IFT43: variants seen among roughly 807,000 people sequenced by gnomAD.
IFT43 encodes the protein intraflagellar transport 43, also known as intraflagellar transport protein 43 homolog.
In IFT43, 33 loss-of-function variants were observed where a neutral mutation model predicts 32.3. The ratio of observed to expected loss-of-function variants is 1.02; its 90% CI spans 0.77 to 1.37. The LOEUF (loss-of-function observed/expected upper bound fraction) is 1.37, where lower values mean the gene tolerates loss of function less well. IFT43 is among the 40% of genes most tolerant of loss of function. The probability of loss-of-function intolerance (pLI) is 0.00; values close to 1 mark genes in which losing one functional copy is unlikely to be tolerated. For missense variants in IFT43, 274 were observed against 265.9 expected (o/e 1.03, Z -0.21); for synonymous variants, 93 against 98.2 (o/e 0.95, Z 0.31).
intron 3 of IFT43, among the ~76,000 whole-genome samples, chr14:76,039,162 T>A (rs2036659963): frequency 6.6e-6 from 1 of 151,882 alleles, no homozygotes; most frequent in African/African-American, 2.4e-5. Flanking sequence ...AGACAGGGTC[T>A]CATTCTGTTG....
chr14:76,036,638 C>T (rs956277969), intron 3 of IFT43, among the ~76,000 whole-genome samples: 1 of 152,152 alleles, frequency 6.6e-6, no homozygotes, highest in Non-Finnish European at 1.5e-5. Flanking sequence ...CTCCTGACCT[C>T]AGGTGATCCT....
chr14:75,986,558 G>A (rs756406726), intron 1 of IFT43, among the ~76,000 whole-genome samples: 2 of 152,152 alleles, frequency 1.3e-5, no homozygotes, highest in African/African-American at 2.4e-5. Flanking sequence ...CATGGGAAGC[G>A]TGTAACTCAG....
At chr14:76,007,398 G>A (rs2035999310) in intron 2 of IFT43, among the ~76,000 whole-genome samples, 1 of 152,296 alleles carries the variant, frequency 6.6e-6, no homozygotes, top group Admixed American at 6.5e-5. Context: ...CAGCCCATGG[G>A]TTAATGCTTC....
At chr14:76,035,530 G>C (rs2036583121) in intron 3 of IFT43, among the ~76,000 whole-genome samples, 1 of 152,030 alleles carries the variant, frequency 6.6e-6, no homozygotes. Flanking sequence ...TTATGTCATT[G>C]CCATACCAGA....
chr14:76,027,706 C>CAA (rs34486241), intron 3 of IFT43, among the ~76,000 whole-genome samples: 2 of 97,380 alleles, frequency 2.1e-5, no homozygotes, highest in East Asian at 2.7e-4. Flanking sequence ...GAGACTGTCT[C>CAA]AAAAAAAAAA....
intron 3 of IFT43, among the ~76,000 whole-genome samples, chr14:76,026,552 CAAAA>C (rs58799745): frequency 5.9e-5 from 5 of 84,456 alleles, no homozygotes; most frequent in African/African-American, 2.0e-4. Flanking sequence ...GAGTGAAACT[CAAAA>C]AAAAAAAAAA....
intron 5 of IFT43, among the ~76,000 whole-genome samples, chr14:76,080,780 AT>A (rs1337452476): frequency 6.6e-6 from 1 of 152,208 alleles, no homozygotes; most frequent in African/African-American, 2.4e-5. Flanking sequence ...AGAAAGCTAA[AT>A]TTCTATTAGC....
At chr14:76,059,502 G>C in intron 5 of IFT43, 129 bp downstream of exon 5, 1 of 851,634 alleles carries the variant, frequency 1.2e-6, no homozygotes, top group Non-Finnish European at 2.0e-6. Flanking sequence ...GACGCATGCT[G>C]ATGCACATCT....
intron 5 of IFT43, among the ~76,000 whole-genome samples, chr14:76,064,747 C>T (rs2037199770): frequency 6.6e-6 from 1 of 152,124 alleles, no homozygotes; most frequent in Non-Finnish European, 1.5e-5. Flanking sequence ...GCATTAAACT[C>T]AGGAAAAAGG....
At chr14:76,000,262 CTTTTTTT>C (rs35001298) in intron 2 of IFT43, among the ~76,000 whole-genome samples, 23 of 115,564 alleles carry the variant, frequency 2.0e-4, no homozygotes, top group Non-Finnish European at 3.5e-4. Context: ...TAACTGGCTT[CTTTTTTT>C]TTTTTTTTTT....
Position 76,064,178 on chromosome 14 carries a change from A to G in IFT43, c.295+4805A>G, listed in dbSNP as rs538448749. Among the ~76,000 whole-genome samples, 4 of 152,272 alleles carry G rather than the reference A, an allele frequency of 2.6e-5. No homozygotes were observed. In the South Asian group the frequency reaches 8.3e-4, roughly 32 times the overall value. On this transcript the variant is annotated intron_variant, in intron 5 of 8. Coordinates refer to ENST00000314067, the MANE Select transcript of IFT43 (RefSeq NM_001102564.3). Reference sequence around the variant, plus strand: ...ATCTTCCTCCTTAGCACTACCCACTAACTTCCTTTTAGACTTCTCCACCCA... The same window carrying G: ...ATCTTCCTCCTTAGCACTACCCACTGACTTCCTTTTAGACTTCTCCACCCA...
At chr14:76,035,183 T>C (rs1340818664) in intron 3 of IFT43, among the ~76,000 whole-genome samples, 1 of 152,188 alleles carries the variant, frequency 6.6e-6, no homozygotes, top group East Asian at 1.9e-4. Flanking sequence ...TCACTCCTAA[T>C]TGACACTAAA....
At position 75,999,227 on chromosome 14, in the gene IFT43, TTATATATATATATATATATA is replaced by T. The variant is rs1162371057; in HGVS notation, c.147+10276_147+10295del. Among the ~76,000 whole-genome samples, 37 of 96,096 alleles carry T rather than the reference TTATATATATATATATATATA, an allele frequency of 3.9e-4. 1 individual carries two copies. The highest frequency in any genetic ancestry group is 1.0e-3 in the Admixed American group (9 of 8,980). The allele number at this position is 96,096 out of a possible 152,430, so 63.0% of individuals were successfully genotyped here. ...ATATTCATTTATATATAAATTCATTTTATATATATATATATATATATATATATATATATATATATATATAT... is the reference window on the plus strand; with the variant it reads ...ATATTCATTTATATATAAATTCATTTTATATATATATATATATATATATAT... On this transcript the variant is annotated intron_variant, in intron 2 of 8. Coordinates refer to ENST00000314067, the MANE Select transcript of IFT43 (RefSeq NM_001102564.3).
At chr14:76,047,353 G>T (rs769744397) in intron 3 of IFT43, among the ~76,000 whole-genome samples, 2 of 152,138 alleles carry the variant, frequency 1.3e-5, no homozygotes, top group Non-Finnish European at 2.9e-5. Flanking sequence ...TAGGAAGGTT[G>T]GTTTCTGAGT....
At chr14:76,043,337 G>A (rs1314275217) in intron 3 of IFT43, among the ~76,000 whole-genome samples, 1 of 151,678 alleles carries the variant, frequency 6.6e-6, no homozygotes, top group African/African-American at 2.4e-5. Context: ...GCAGAGGGGA[G>A]TAGAAGGGTA....
chr14:76,019,390 C>T (rs368010994), intron 2 of IFT43, among the ~76,000 whole-genome samples: 2,116 of 148,036 alleles, frequency 0.014, 55 homozygotes, highest in African/African-American at 0.045. Context: ...TTTTTTTTTT[C>T]CCTTTCAGCA....
At chr14:76,002,578 G>A (rs1029612849) in intron 2 of IFT43, among the ~76,000 whole-genome samples, 17 of 152,166 alleles carry the variant, frequency 1.1e-4, no homozygotes, top group Admixed American at 3.3e-4. Flanking sequence ...CTAAACATTA[G>A]AACTGTTCAT....
chr14:75,995,118 G>C (rs2035719315), intron 2 of IFT43, among the ~76,000 whole-genome samples: 1 of 152,192 alleles, frequency 6.6e-6, no homozygotes, highest in Non-Finnish European at 1.5e-5. Context: ...GGTAGCTCTT[G>C]AAGTAGGTAC....
At chr14:76,000,261 T>G (rs2035856935) in intron 2 of IFT43, among the ~76,000 whole-genome samples, 1 of 142,422 alleles carries the variant, frequency 7.0e-6, no homozygotes, top group African/African-American at 2.6e-5. Context: ...ATAACTGGCT[T>G]CTTTTTTTTT....
Sources: gnomAD v4.1 joint callset for allele counts (sites outside exome capture counted in the v4.1 genomes callset) on GRCh38, gnomAD v4.1.1 for gene constraint, MANE v1.5 for transcripts, NCBI Gene and HGNC (gene_info 2026-07-23, HGNC 2026-07-21) for gene names.